SAP130: variants seen among roughly 807,000 people sequenced by gnomAD.
The protein encoded by SAP130 is Sin3A associated protein 130.
SAP130 carries 16 observed loss-of-function variants against 103.2 expected under a neutral mutation model. That is an observed-to-expected ratio of 0.16 (90% CI 0.10 to 0.24). The LOEUF is 0.24. Ranked by LOEUF, SAP130 falls within the 10% of genes least tolerant of loss-of-function variation. The pLI is 1.00. For synonymous variants in SAP130, 477 were observed against 497.0 expected, an observed-to-expected ratio of 0.96 and a Z score of 0.53; for missense variants, 990 against 1,359.7, an observed-to-expected ratio of 0.73 and a Z score of 4.28.
intron 15 of SAP130, among the ~76,000 whole-genome samples, chr2:127,957,557 C>G (rs1203926223): frequency 1.3e-5 from 2 of 151,996 alleles, no homozygotes; most frequent in East Asian, 3.9e-4. Flanking sequence ...GCCTGTGGTC[C>G]TAGCGACTCT....
At chr2:127,954,105 A>G (rs757021688) in intron 16 of SAP130, among the ~76,000 whole-genome samples, 2 of 152,232 alleles carry the variant, frequency 1.3e-5, no homozygotes, top group African/African-American at 4.8e-5. Context: ...GGTGAGTAGC[A>G]TAACTGAGGG....
At chr2:128,007,272 C>T (rs367751988) in intron 7 of SAP130, among the ~76,000 whole-genome samples, 22 of 152,290 alleles carry the variant, frequency 1.4e-4, no homozygotes, top group Admixed American at 1.4e-3. Context: ...AAGTACTATA[C>T]GGAATCCACA....
At chr2:127,981,817 C>T (rs1231570030) in intron 14 of SAP130, among the ~76,000 whole-genome samples, 4 of 143,948 alleles carry the variant, frequency 2.8e-5, no homozygotes, top group East Asian at 4.3e-4. Flanking sequence ...CTCAGCTCTC[C>T]CACCCCGACC....
At chr2:127,963,279 G>A (rs972619675) in intron 15 of SAP130, among the ~76,000 whole-genome samples, 1 of 152,050 alleles carries the variant, frequency 6.6e-6, no homozygotes, top group Admixed American at 6.6e-5. Context: ...ACCCAGACTG[G>A]AGTACAGCGG....
intron 8 of SAP130, 47 bp from the exon 9 acceptor site, chr2:128,000,193 C>A (rs544941630): frequency 6.2e-7 from 1 of 1,608,020 alleles, no homozygotes; most frequent in Non-Finnish European, 8.5e-7. Flanking sequence ...TTATCCACTG[C>A]GTCCAGGGTA....
At chr2:127,992,266 C>T (rs1323719342) in intron 12 of SAP130, among the ~76,000 whole-genome samples, 1 of 150,848 alleles carries the variant, frequency 6.6e-6, no homozygotes, top group Admixed American at 6.6e-5. Context: ...GCCACAGCGC[C>T]CGGCCCCAGG....
chr2:128,015,014 G>C, intron 4 of SAP130, 100 bp from the exon 5 acceptor site: 1 of 839,216 alleles, frequency 1.2e-6, no homozygotes, highest in Non-Finnish European at 2.0e-6. Flanking sequence ...TTGTTTTTTA[G>C]ATAGTGAGTA....
At chr2:127,967,887 T>C (rs1680771455) in intron 15 of SAP130, among the ~76,000 whole-genome samples, 1 of 152,186 alleles carries the variant, frequency 6.6e-6, no homozygotes, top group South Asian at 2.1e-4. Context: ...AGACCATATG[T>C]TAGGTCAAAA....
chr2:128,013,203 G>A (rs1434735294), intron 5 of SAP130, 49 bp from the exon 6 acceptor site: 1 of 1,508,276 alleles, frequency 6.6e-7, no homozygotes, highest in Non-Finnish European at 8.9e-7. Flanking sequence ...ATATTCCCTG[G>A]GAAAATAATC....
intron 16 of SAP130, among the ~76,000 whole-genome samples, chr2:127,952,450 TAAAA>T (rs57007168): frequency 2.6e-4 from 36 of 140,478 alleles, no homozygotes; most frequent in Admixed American, 3.6e-4. Context: ...AACTCCATCT[TAAAA>T]AAAAAAAAAA....
chr2:127,996,320 A>C lies in SAP130; in HGVS notation c.1355+30T>G. 1 of 1,551,946 alleles carries C rather than the reference A, an allele frequency of 6.4e-7. No homozygotes were observed. Among genetic ancestry groups the C allele is most frequent in the Non-Finnish European group, 8.7e-7 (1 of 1,146,070 alleles). On this transcript the variant is annotated intron_variant, in intron 11 of 20. Transcript: ENST00000643581. This position sits in a 1 kb window ranked among gnomAD's most constrained non-coding sequence, Gnocchi z 4.3. ...AAGCAGAACGATTAATGACACAGTG[A>C]GGCAGAATAACTGACACACAGCCTC...
chr2:127,973,823 C>T (rs1681263837), intron 15 of SAP130, among the ~76,000 whole-genome samples: 1 of 152,070 alleles, frequency 6.6e-6, no homozygotes, highest in Non-Finnish European at 1.5e-5. Context: ...TCTGTAATCC[C>T]AGCACTTTGT....
At chr2:128,018,951 A>G (rs374754326) in intron 2 of SAP130, among the ~76,000 whole-genome samples, 8 of 151,996 alleles carry the variant, frequency 5.3e-5, no homozygotes, top group African/African-American at 1.9e-4. Context: ...CAAAAAAATT[A>G]GCCGGGCGTG....
intron 3 of SAP130, 77 bp downstream of exon 3, chr2:128,017,601 AAG>A: frequency 8.0e-7 from 1 of 1,257,264 alleles, no homozygotes; most frequent in Non-Finnish European, 1.1e-6. Context: ...GATACAGCCT[AAG>A]ATTTTATACA....
intron 15 of SAP130, among the ~76,000 whole-genome samples, chr2:127,968,358 G>A (rs191639824): frequency 8.0e-5 from 12 of 150,370 alleles, no homozygotes; most frequent in Admixed American, 5.3e-4. Context: ...TGATCTGTCC[G>A]CATCGGCCTC....
chr2:127,991,127 A>G (rs542884149), intron 12 of SAP130, among the ~76,000 whole-genome samples: 1 of 151,984 alleles, frequency 6.6e-6, no homozygotes, highest in South Asian at 2.1e-4. Context: ...GCGCATACCT[A>G]TAATACTATC....
chr2:127,944,161 A>G (rs1678901548), intron 19 of SAP130, among the ~76,000 whole-genome samples: 1 of 151,952 alleles, frequency 6.6e-6, no homozygotes, highest in South Asian at 2.1e-4. Flanking sequence ...CTTCCCAGGT[A>G]GCTGGGACTA....
At chr2:128,019,044 A>C (rs1684977018) in intron 2 of SAP130, among the ~76,000 whole-genome samples, 1 of 151,988 alleles carries the variant, frequency 6.6e-6, no homozygotes. Context: ...GGCTGCAGTG[A>C]GCTGAGATTG....
At chr2:128,007,902 C>A (rs930762665) in intron 7 of SAP130, among the ~76,000 whole-genome samples, 1 of 152,202 alleles carries the variant, frequency 6.6e-6, no homozygotes, top group South Asian at 2.1e-4. Context: ...CACATACTGA[C>A]AACAGCCACT....
Sources: gnomAD v4.1 joint callset for allele counts (sites outside exome capture counted in the v4.1 genomes callset) on GRCh38, gnomAD v4.1.1 for gene constraint, Gnocchi (gnomAD v3.1) non-coding constraint, MANE v1.5 for transcripts, NCBI Gene and HGNC (gene_info 2026-07-23, HGNC 2026-07-21) for gene names.